Variants in SNTG2 observed in about 807,000 individuals in gnomAD.
SNTG2 encodes syntrophin gamma 2.
A neutral mutation model predicts 70.9 loss-of-function variants in SNTG2; 74 were observed. The observed-to-expected ratio is 1.04, with a 90% CI of 0.86 to 1.27. The LOEUF (loss-of-function observed/expected upper bound fraction) is 1.27, where lower values mean the gene tolerates loss of function less well. SNTG2 is among the 50% of genes most tolerant of loss of function. SNTG2 has a pLI of 0.00. For missense variants in SNTG2, 717 were observed against 690.7 expected (o/e 1.04, Z -0.43); for synonymous variants, 278 against 273.8 (o/e 1.02, Z -0.15).
chr2:1,018,106 A>G (rs1659968776), intron 1 of SNTG2, among the ~76,000 whole-genome samples: 1 of 152,220 alleles, frequency 6.6e-6, no homozygotes, highest in African/African-American at 2.4e-5. Context: ...TGTATGTTGT[A>G]GTATGGTAAC....
At chr2:1,122,904 A>C (rs1223571279) in intron 4 of SNTG2, among the ~76,000 whole-genome samples, 1 of 140,372 alleles carries the variant, frequency 7.1e-6, no homozygotes, top group Non-Finnish European at 1.5e-5. Context: ...GCATTGTCAT[A>C]CACAAATAAT....
chr2:1,339,505 T>G (rs2148293402), intron 16 of SNTG2, among the ~76,000 whole-genome samples: 1 of 152,330 alleles, frequency 6.6e-6, no homozygotes, highest in Non-Finnish European at 1.5e-5. Context: ...GAATTCTCAC[T>G]TCAGTTCTCA....
At chr2:967,620 G>A (rs1193516919) in intron 1 of SNTG2, among the ~76,000 whole-genome samples, 1 of 151,994 alleles carries the variant, frequency 6.6e-6, no homozygotes, top group African/African-American at 2.4e-5. Flanking sequence ...TTTGTCAGTG[G>A]GCATTTGCTT....
At chr2:1,147,591 T>C (rs4998212) in intron 6 of SNTG2, among the ~76,000 whole-genome samples, 133,768 of 152,194 alleles carry the variant, frequency 0.88, 59,092 homozygotes, top group Non-Finnish European at 0.94. Flanking sequence ...TGTGAGTTAA[T>C]ACTCCTTAAT....
chr2:1,252,641 A>G (rs1453263444), intron 12 of SNTG2, among the ~76,000 whole-genome samples: 1 of 152,146 alleles, frequency 6.6e-6, no homozygotes, highest in African/African-American at 2.4e-5. Flanking sequence ...AATCTATAAA[A>G]TCAGTACTGA....
intron 16 of SNTG2, among the ~76,000 whole-genome samples, chr2:1,347,605 G>A (rs1660362005): frequency 6.6e-6 from 1 of 152,216 alleles, no homozygotes; most frequent in Admixed American, 6.5e-5. Context: ...ATCACTGTAT[G>A]TGTGAACCCG....
At chr2:1,173,708 T>C (rs4130986) in intron 8 of SNTG2, among the ~76,000 whole-genome samples, 47,881 of 151,938 alleles carry the variant, frequency 0.32, 8,112 homozygotes, top group East Asian at 0.65. Flanking sequence ...AGAGAACCTG[T>C]AGCTCCCTGG....
intron 2 of SNTG2, among the ~76,000 whole-genome samples, chr2:1,090,703 A>T (rs1339183189): frequency 6.6e-6 from 1 of 152,042 alleles, no homozygotes; most frequent in East Asian, 1.9e-4. Context: ...GGCTGTCTGC[A>T]TGTACAGGGC....
intron 16 of SNTG2, among the ~76,000 whole-genome samples, chr2:1,363,828 T>A (rs545237211): frequency 6.6e-6 from 1 of 152,354 alleles, no homozygotes; most frequent in African/African-American, 2.4e-5. Context: ...GATGCTTGTT[T>A]ATTCAGTATC....
intron 7 of SNTG2, among the ~76,000 whole-genome samples, chr2:1,169,589 G>A (rs1670986509): frequency 6.6e-6 from 1 of 152,166 alleles, no homozygotes; most frequent in Non-Finnish European, 1.5e-5. Flanking sequence ...GCCTGAGCCT[G>A]TGGGGCCGGA....
chr2:1,019,281 A>T (rs1413204360), intron 1 of SNTG2, among the ~76,000 whole-genome samples: 1 of 152,234 alleles, frequency 6.6e-6, no homozygotes, highest in African/African-American at 2.4e-5. Context: ...CATGCTAAGA[A>T]GTTTTCATTT....
At chr2:1,015,198 C>A (rs1337024628) in intron 1 of SNTG2, among the ~76,000 whole-genome samples, 2 of 152,086 alleles carry the variant, frequency 1.3e-5, no homozygotes, top group Non-Finnish European at 2.9e-5. Context: ...ATGTGGGCAG[C>A]TGGGACCATG....
intron 14 of SNTG2, among the ~76,000 whole-genome samples, chr2:1,296,264 A>T (rs1020386901): frequency 6.6e-6 from 1 of 152,244 alleles, no homozygotes; most frequent in Admixed American, 6.5e-5. Flanking sequence ...CTGCTGACCA[A>T]CTGGGTGCTT....
At chr2:1,323,180 G>A (rs1054117510) in intron 16 of SNTG2, among the ~76,000 whole-genome samples, 4 of 152,166 alleles carry the variant, frequency 2.6e-5, no homozygotes, top group African/African-American at 9.7e-5. Flanking sequence ...AAAGGAGGTG[G>A]GTAGGGTCTG....
intron 1 of SNTG2, among the ~76,000 whole-genome samples, chr2:1,067,076 C>G (rs1558360229): frequency 6.6e-6 from 1 of 151,584 alleles, no homozygotes; most frequent in Non-Finnish European, 1.5e-5. Context: ...CTCAAATTTG[C>G]TTTTTGTCTC....
intron 6 of SNTG2, among the ~76,000 whole-genome samples, chr2:1,163,074 T>G (rs1670437583): frequency 6.6e-6 from 1 of 152,088 alleles, no homozygotes; most frequent in African/African-American, 2.4e-5. Context: ...AGTGGGCATG[T>G]GAAGCCTCCC....
chr2:1,342,172 G>T (rs1234715654), intron 16 of SNTG2, among the ~76,000 whole-genome samples: 1 of 152,200 alleles, frequency 6.6e-6, no homozygotes, highest in Admixed American at 6.5e-5. Flanking sequence ...CTCAGGGCAG[G>T]GATCTCACTC....
At position 1,221,813 on chromosome 2, in the gene SNTG2, C is replaced by G. The variant is rs1385384074; in HGVS notation, c.719+12583C>G. Among the ~76,000 whole-genome samples the G allele has an allele frequency of 6.9e-3, 7 of 1,018 alleles. 3 individuals are homozygous for G. In the African/African-American group the frequency reaches 0.083, roughly 12 times the overall value. The allele number at this position is 1,018 out of a possible 152,430, so 0.7% of individuals were successfully genotyped here. On this transcript the variant is annotated intron_variant, in intron 9 of 16. Transcript: ENST00000308624. The stretch of plus-strand genomic sequence containing the variant: ...TCTCTGTCTGTCTCTGTCTCTCTCT[C>G]GGTCTCTGTCTCTCTCTGTCTCTCT...
intron 13 of SNTG2, among the ~76,000 whole-genome samples, chr2:1,266,821 T>G (rs2148182729): frequency 6.8e-6 from 1 of 146,158 alleles, no homozygotes; most frequent in Admixed American, 7.2e-5. Context: ...TGGTGTGATC[T>G]TGGCTTTCTG....
Sources: gnomAD v4.1 joint callset for allele counts (sites outside exome capture counted in the v4.1 genomes callset) on GRCh38, gnomAD v4.1.1 for gene constraint, MANE v1.5 for transcripts, NCBI Gene and HGNC (gene_info 2026-07-23, HGNC 2026-07-21) for gene names.